HAPLN1: variants seen among roughly 807,000 people sequenced by gnomAD.
HAPLN1 encodes the protein Cartilage link protein.
In HAPLN1, 13 loss-of-function variants were observed where a neutral mutation model predicts 36.5. The ratio of observed to expected loss-of-function variants is 0.36; its 90% CI spans 0.23 to 0.57. The LOEUF is 0.57. Among genes scored for constraint, HAPLN1 ranks in the 20% least tolerant of loss-of-function variants. The pLI, the probability that HAPLN1 is intolerant of heterozygous loss-of-function variation, is 0.83. For missense variants in HAPLN1, 407 were observed against 439.7 expected (o/e 0.93, Z 0.66); for synonymous variants, 202 against 169.8 (o/e 1.19, Z -1.48).
At chr5:83,698,195 T>A (rs1420978691) in intron 1 of HAPLN1, among the ~76,000 whole-genome samples, 2 of 152,152 alleles carry the variant, frequency 1.3e-5, no homozygotes, top group Non-Finnish European at 2.9e-5. Flanking sequence ...GTTTATGATG[T>A]GAGGTAGAGT....
chr5:83,716,368 C>T (rs1211088005), intron 1 of HAPLN1, among the ~76,000 whole-genome samples: 1 of 152,140 alleles, frequency 6.6e-6, no homozygotes, highest in African/African-American at 2.4e-5. Flanking sequence ...AGTAAGTTTT[C>T]CAAGTTATTT....
At chr5:83,720,314 G>A (rs73135927) in intron 1 of HAPLN1, among the ~76,000 whole-genome samples, 4,865 of 152,240 alleles carry the variant, frequency 0.032, 287 homozygotes, top group African/African-American at 0.11. Context: ...AATCTAACAG[G>A]TATTACCTAT....
intron 3 of HAPLN1, among the ~76,000 whole-genome samples, chr5:83,649,439 T>G (rs978983227): frequency 6.6e-6 from 1 of 152,044 alleles, no homozygotes; most frequent in African/African-American, 2.4e-5. Context: ...AGTATCTGGT[T>G]TTTTTTTGTT....
At chr5:83,696,575 A>C in intron 1 of HAPLN1, among the ~76,000 whole-genome samples, 1 of 152,118 alleles carries the variant, frequency 6.6e-6, no homozygotes, top group East Asian at 1.9e-4. Context: ...GTGGTATACA[A>C]AAAGATCAGA....
chr5:83,675,235 A>C (rs1750832410), intron 1 of HAPLN1: 2 of 152,148 alleles, frequency 1.3e-5, no homozygotes, highest in African/African-American at 4.8e-5. Context: ...TGGAATTTGG[A>C]ATATAATTGA....
At chr5:83,675,839 T>C (rs757156168) in intron 1 of HAPLN1, among the ~76,000 whole-genome samples, 35 of 152,176 alleles carry the variant, frequency 2.3e-4, no homozygotes, top group Non-Finnish European at 4.4e-4. Context: ...GACAAATATT[T>C]CCATTTCTTG....
intron 1 of HAPLN1, among the ~76,000 whole-genome samples, chr5:83,694,286 A>G (rs1259736124): frequency 6.6e-6 from 1 of 152,038 alleles, no homozygotes; most frequent in Non-Finnish European, 1.5e-5. Flanking sequence ...TCTGGGATGC[A>G]GTGAAGCAAT....
At chr5:83,699,909 T>C (rs1751468701) in intron 1 of HAPLN1, among the ~76,000 whole-genome samples, 1 of 152,102 alleles carries the variant, frequency 6.6e-6, no homozygotes, top group Non-Finnish European at 1.5e-5. Flanking sequence ...GAAACAATTG[T>C]TTTATTTAAA....
chr5:83,706,241 T>C (rs1751647508), intron 1 of HAPLN1, among the ~76,000 whole-genome samples: 1 of 151,906 alleles, frequency 6.6e-6, no homozygotes, highest in South Asian at 2.1e-4. Flanking sequence ...GAGGCCAGCA[T>C]CATCCTGATA....
chr5:83,648,395 CTATATATATATATATATATATATA>C lies in HAPLN1; in HGVS notation c.473-3754_473-3731del, dbSNP rs56115447. ...GGATGTGGCCTCTTCCTATATTTGA[CTATATATATATATATATATATATA>C]TATATATATATATATATATGGTTTG... On this transcript the variant is annotated intron_variant, in intron 3 of 4. Transcript: ENST00000274341. Among the ~76,000 whole-genome samples, 391 of 60,668 alleles carry C rather than the reference CTATATATATATATATATATATATA, an allele frequency of 6.4e-3. 11 individuals carry two copies. Among genetic ancestry groups the C allele is most frequent in the Middle Eastern group, 0.025 (3 of 118 alleles). The allele number at this position is 60,668 out of a possible 152,430, so 39.8% of individuals were successfully genotyped here.
intron 1 of HAPLN1, among the ~76,000 whole-genome samples, chr5:83,719,147 C>T (rs555328433): frequency 6.6e-6 from 1 of 152,334 alleles, no homozygotes; most frequent in East Asian, 1.9e-4. Context: ...TTCAGTACTT[C>T]TAAATTACAG....
chr5:83,650,789 C>T (rs370844251), intron 3 of HAPLN1, among the ~76,000 whole-genome samples: 1 of 151,842 alleles, frequency 6.6e-6, no homozygotes, highest in African/African-American at 2.4e-5. Context: ...CGCCTGCCAC[C>T]ATGCCCGGCT....
intron 1 of HAPLN1, among the ~76,000 whole-genome samples, chr5:83,699,724 A>G (rs1427959412): frequency 6.6e-6 from 1 of 152,244 alleles, no homozygotes. Context: ...AAATGTGTAA[A>G]CAAATAAATA....
intron 1 of HAPLN1, among the ~76,000 whole-genome samples, chr5:83,685,105 TAC>T (rs1751088917): frequency 6.6e-6 from 1 of 152,222 alleles, no homozygotes; most frequent in African/African-American, 2.4e-5. Context: ...TTAATATTAA[TAC>T]ATTTTCATAA....
At chr5:83,714,782 T>C (rs1219927555) in intron 1 of HAPLN1, among the ~76,000 whole-genome samples, 1 of 152,200 alleles carries the variant, frequency 6.6e-6, no homozygotes, top group Non-Finnish European at 1.5e-5. Context: ...CTCGAAACTG[T>C]AGAACTTAAG....
At chr5:83,673,703 G>C (rs1750789658) in intron 1 of HAPLN1, 154 bp from the exon 2 acceptor site, 1 of 556,070 alleles carries the variant, frequency 1.8e-6, no homozygotes, top group Non-Finnish European at 3.1e-6. Flanking sequence ...GCCTTTAAGA[G>C]CCGAAGACGG....
chr5:83,688,358 C>T (rs1453731216), intron 1 of HAPLN1, among the ~76,000 whole-genome samples: 2 of 152,184 alleles, frequency 1.3e-5, no homozygotes, highest in African/African-American at 2.4e-5. Context: ...CCCGATGTAG[C>T]AGCAGAGCTC....
chr5:83,652,166 G>T (rs1750081374), intron 3 of HAPLN1: 3 of 376,384 alleles, frequency 8.0e-6, no homozygotes, highest in East Asian at 3.8e-5. Flanking sequence ...GAATTTAGAT[G>T]ATTTTGAATA....
chr5:83,644,535 C>G lies in HAPLN1; in HGVS notation c.603G>C (p.Gly201=). ...GCCAGCCGGCATTGCACCAGTCCAGCCCGCCCCGCCAGGCGTCGTACAGCT... is the reference window on the plus strand; with the variant it reads ...GCCAGCCGGCATTGCACCAGTCCAGGCCGCCCCGCCAGGCGTCGTACAGCT... ...FDQLYDAWRG[G]LDWCNAGWLS... Residue 201 remains glycine, a synonymous_variant, in exon 4 of 5, where the codon GGG becomes GGC. Coordinates refer to ENST00000274341, the MANE Select transcript of HAPLN1 (RefSeq NM_001884.4). The G allele has an allele frequency of 6.2e-7, 1 of 1,610,308 alleles. No homozygotes were observed. The highest frequency in any genetic ancestry group is 1.3e-5 in the African/African-American group (1 of 74,788).
Sources: gnomAD v4.1 joint callset for allele counts (sites outside exome capture counted in the v4.1 genomes callset) on GRCh38, gnomAD v4.1.1 for gene constraint, MANE v1.5 for transcripts, NCBI Gene and HGNC (gene_info 2026-07-23, HGNC 2026-07-21) for gene names.